Variants in ERBB4 observed in about 807,000 individuals in gnomAD.
ERBB4 encodes the protein erb-b2 receptor tyrosine kinase 4.
Under a neutral mutation model 158.0 loss-of-function variants are expected in ERBB4, and 42 were observed. The ratio of observed to expected loss-of-function variants is 0.27; its 90% CI spans 0.21 to 0.34. ERBB4 has a LOEUF of 0.34. ERBB4 is among the 10% of genes least tolerant of loss of function. The pLI is 1.00. For missense variants in ERBB4, 1,333 were observed against 1,624.1 expected, an observed-to-expected ratio of 0.82 and a Z score of 3.08; for synonymous variants, 583 against 558.7, an observed-to-expected ratio of 1.04 and a Z score of -0.61.
At chr2:211,834,483 T>TA (rs202064233) in intron 3 of ERBB4, among the ~76,000 whole-genome samples, 98 of 145,242 alleles carry the variant, frequency 6.7e-4, no homozygotes, top group South Asian at 1.7e-3. Context: ...GTGGGTCACT[T>TA]AAAAAAAAAA....
At chr2:212,201,022 T>G (rs2105902011) in intron 1 of ERBB4, among the ~76,000 whole-genome samples, 1 of 152,268 alleles carries the variant, frequency 6.6e-6, no homozygotes, top group East Asian at 1.9e-4. Context: ...GAATGTCTAC[T>G]CCTTTAAATC....
At chr2:211,978,396 G>GTCTTTCTATCTATCTATCTA (rs77259627) in intron 2 of ERBB4, among the ~76,000 whole-genome samples, 1,532 of 136,626 alleles carry the variant, frequency 0.011, 18 homozygotes, top group African/African-American at 0.02. Flanking sequence ...CTGTCTGTCT[G>GTCTTTCTATCTATCTATCTA]TCTATCTATC....
intron 20 of ERBB4, among the ~76,000 whole-genome samples, chr2:211,495,547 A>G (rs893787845): frequency 6.6e-6 from 1 of 152,060 alleles, no homozygotes. Flanking sequence ...TCTAAATAGC[A>G]TTAACCTTCT....
At chr2:212,358,997 C>T (rs2089576833) in intron 1 of ERBB4, among the ~76,000 whole-genome samples, 1 of 151,714 alleles carries the variant, frequency 6.6e-6, no homozygotes, top group Non-Finnish European at 1.5e-5. Flanking sequence ...TACATCTCTG[C>T]ACAATTCATT....
chr2:212,099,187 T>TAAA (rs1559495021), intron 2 of ERBB4, among the ~76,000 whole-genome samples: 45 of 147,186 alleles, frequency 3.1e-4, no homozygotes, highest in Non-Finnish European at 5.8e-4. Context: ...AAATAAATAA[T>TAAA]AAATAATAAA....
At chr2:211,993,734 G>A (rs2082133487) in intron 2 of ERBB4, among the ~76,000 whole-genome samples, 1 of 150,254 alleles carries the variant, frequency 6.7e-6, no homozygotes, top group Non-Finnish European at 1.5e-5. Context: ...AATTATACTG[G>A]GAACAATTAG....
chr2:212,378,733 T>C (rs2090408593), intron 1 of ERBB4, among the ~76,000 whole-genome samples: 1 of 151,844 alleles, frequency 6.6e-6, no homozygotes, highest in Admixed American at 6.6e-5. Flanking sequence ...TATAGTGCTG[T>C]ACATTTATAC....
intron 1 of ERBB4, among the ~76,000 whole-genome samples, chr2:212,526,189 A>G (rs1236529773): frequency 2.6e-5 from 4 of 152,042 alleles, no homozygotes; most frequent in South Asian, 2.1e-4. Flanking sequence ...AGAGTGACTG[A>G]GTCAGTTTGT....
At chr2:211,554,870 CTT>C (rs1298472874) in intron 20 of ERBB4, among the ~76,000 whole-genome samples, 1 of 152,200 alleles carries the variant, frequency 6.6e-6, no homozygotes, top group Non-Finnish European at 1.5e-5. Flanking sequence ...CAACAGCCTA[CTT>C]TTTGTCTCAT....
At chr2:212,526,780 T>C (rs183849667) in intron 1 of ERBB4, among the ~76,000 whole-genome samples, 8 of 152,234 alleles carry the variant, frequency 5.3e-5, no homozygotes, top group Admixed American at 2.0e-4. Flanking sequence ...ATTAAAAGAA[T>C]ACTTTAGGTA....
chr2:211,682,913 G>GTT (rs995057290), intron 12 of ERBB4, among the ~76,000 whole-genome samples: 2 of 146,096 alleles, frequency 1.4e-5, no homozygotes, highest in Non-Finnish European at 3.0e-5. Context: ...ATTTATCTTA[G>GTT]TTTTTTTTTT....
chr2:211,937,845 C>A (rs1008756315), intron 3 of ERBB4, among the ~76,000 whole-genome samples: 2 of 152,070 alleles, frequency 1.3e-5, no homozygotes, highest in African/African-American at 4.8e-5. Context: ...GGGAACACAG[C>A]CAAACCATAT....
intron 20 of ERBB4, among the ~76,000 whole-genome samples, chr2:211,435,523 G>C (rs924475286): frequency 1.7e-4 from 26 of 152,196 alleles, no homozygotes; most frequent in Admixed American, 6.5e-4. Flanking sequence ...TCTGTGGCCT[G>C]TTTGTTAGGA....
At chr2:212,088,569 TA>T (rs1244331007) in intron 2 of ERBB4, among the ~76,000 whole-genome samples, 1 of 152,112 alleles carries the variant, frequency 6.6e-6, no homozygotes, top group African/African-American at 2.4e-5. Flanking sequence ...CCCTGGTTGG[TA>T]GTCCCTGGGT....
At chr2:212,307,085 A>T (rs1372086919) in intron 1 of ERBB4, among the ~76,000 whole-genome samples, 3 of 151,328 alleles carry the variant, frequency 2.0e-5, no homozygotes, top group African/African-American at 7.3e-5. Flanking sequence ...ATCAAACTTG[A>T]AGTCAGAAGG....
intron 1 of ERBB4, among the ~76,000 whole-genome samples, chr2:212,321,569 C>T (rs141826252): frequency 0.031 from 4,702 of 150,532 alleles, 296 homozygotes; most frequent in Admixed American, 0.076. Flanking sequence ...CATTGTGGCA[C>T]ATGCCTATAC....
At chr2:212,266,018 T>C (rs1285552958) in intron 1 of ERBB4, among the ~76,000 whole-genome samples, 1 of 152,000 alleles carries the variant, frequency 6.6e-6, no homozygotes, top group Non-Finnish European at 1.5e-5. Context: ...GCAATTTTCA[T>C]TTTGAACTCC....
intron 2 of ERBB4, 52 bp from the exon 3 acceptor site, chr2:211,947,668 T>A: frequency 2.0e-6 from 3 of 1,469,224 alleles, no homozygotes; most frequent in Non-Finnish European, 1.9e-6. Flanking sequence ...TGTCACTCTG[T>A]ATATGTAGCA....
chr2:211,983,968 C>T (rs2081872072), intron 2 of ERBB4, among the ~76,000 whole-genome samples: 1 of 152,030 alleles, frequency 6.6e-6, no homozygotes, highest in Non-Finnish European at 1.5e-5. Context: ...ATTCAGGTTG[C>T]TATAACAATT....
Sources: gnomAD v4.1 joint callset for allele counts (sites outside exome capture counted in the v4.1 genomes callset) on GRCh38, gnomAD v4.1.1 for gene constraint, MANE v1.5 for transcripts, NCBI Gene and HGNC (gene_info 2026-07-23, HGNC 2026-07-21) for gene names.